Variants in SHOC1 observed in about 807,000 individuals in gnomAD.
SHOC1 encodes the protein shortage in chiasmata 1.
SHOC1 carries 136 observed loss-of-function variants against 179.2 expected under a neutral mutation model. The ratio of observed to expected loss-of-function variants is 0.76; its 90% CI spans 0.66 to 0.87. The LOEUF is 0.87. SHOC1 is among the 40% of genes least tolerant of loss of function. The probability of loss-of-function intolerance (pLI) is 0.00; values close to 1 mark genes in which losing one functional copy is unlikely to be tolerated. For missense variants in SHOC1, 1,538 were observed against 1,700.8 expected, an observed-to-expected ratio of 0.90 and a Z score of 1.68; for synonymous variants, 489 against 586.6, an observed-to-expected ratio of 0.83 and a Z score of 2.41.
chr9:111,736,747 G>T (rs1006045867), intron 12 of SHOC1, among the ~76,000 whole-genome samples: 10 of 152,014 alleles, frequency 6.6e-5, no homozygotes, highest in African/African-American at 2.4e-4. Context: ...CTTCTGCACA[G>T]CAAAAGAAAC....
At chr9:111,728,592 TA>T (rs996923649) in intron 12 of SHOC1, among the ~76,000 whole-genome samples, 2 of 152,168 alleles carry the variant, frequency 1.3e-5, no homozygotes, top group African/African-American at 4.8e-5. Flanking sequence ...AAAGGCCACA[TA>T]TTGTATGATT....
Position 111,708,233 on chromosome 9 carries a change from C to A in SHOC1, c.2489-309G>T, listed in dbSNP as rs889414909. On this transcript the variant is annotated intron_variant, in intron 18 of 27. Coordinates refer to ENST00000682961, the MANE Select transcript of SHOC1 (RefSeq NM_001378211.1). ...TTTTATTTTTTTTGAGACAGAGTCTCGCTCTGTCGCCCAGGCTGGAGTTCT... is the reference window on the plus strand; with the variant it reads ...TTTTATTTTTTTTGAGACAGAGTCTAGCTCTGTCGCCCAGGCTGGAGTTCT... Among the ~76,000 whole-genome samples the A allele has an allele frequency of 2.0e-5, 3 of 151,020 alleles. No individual in the cohort carries two copies. The East Asian group carries it at 5.8e-4, about 29-fold the overall frequency.
At chr9:111,782,123 A>G (rs1361944034) in intron 3 of SHOC1, among the ~76,000 whole-genome samples, 1 of 152,178 alleles carries the variant, frequency 6.6e-6, no homozygotes, top group Non-Finnish European at 1.5e-5. Flanking sequence ...GAGGCAGGAG[A>G]ATGGCATGAA....
intron 3 of SHOC1, chr9:111,783,643 T>A (rs1836161023): frequency 6.6e-6 from 1 of 152,220 alleles, no homozygotes; most frequent in African/African-American, 2.4e-5. Flanking sequence ...TTCATCTAGT[T>A]TCACAGGTTT....
rs1443719926 is a variant in SHOC1, at chr9:111,714,529, C to G, written c.2331G>C (p.Arg777Ser). Residue 777 changes from arginine to serine, a missense_variant, in exon 17 of 28, where the codon AGG (arginine) becomes AGC (serine). By Grantham distance (110) the Arg-to-Ser change is moderately radical. Transcript: ENST00000682961. ...TGTAGTTGGTTTCAGGCTTTTTCCC[C>G]CTAATAAACTGTACAATCTCCAGCT... ...WRQLEIVQFI[R>S]GKKPETNYKI... is the part of the protein sequence containing the mutation. 4.3e-6 allele frequency: 7 copies of G among 1,613,812 alleles called. No individual in the cohort carries two copies. Among genetic ancestry groups the G allele is most frequent in the Non-Finnish European group, 5.9e-6 (7 of 1,179,952 alleles).
At chr9:111,741,682 G>T in intron 10 of SHOC1, 112 bp from the exon 11 acceptor site, 3 of 480,908 alleles carry the variant, frequency 6.2e-6, no homozygotes, top group East Asian at 4.0e-5. Context: ...CGCCCAGGCT[G>T]GGGTACAGTG....
At chr9:111,714,757 C>A in intron 16 of SHOC1, 134 bp from the exon 17 acceptor site, 1 of 776,568 alleles carries the variant, frequency 1.3e-6, no homozygotes, top group Non-Finnish European at 2.0e-6. Flanking sequence ...TGATTTTGAT[C>A]AAAGACACTA....
At chr9:111,759,237 G>A in intron 5 of SHOC1, 1 of 1,613,704 alleles carries the variant, frequency 6.2e-7, no homozygotes, top group Non-Finnish European at 8.5e-7. Flanking sequence ...GGTCTTCTCT[G>A]CATCATTTTA....
At chr9:111,788,064 C>CTTTTTTTTT in intron 2 of SHOC1, among the ~76,000 whole-genome samples, 1 of 122,738 alleles carries the variant, frequency 8.1e-6, no homozygotes, top group Non-Finnish European at 1.6e-5. Flanking sequence ...ATAAACATAA[C>CTTTTTTTTT]TTTTTTTTTT....
chr9:111,753,716 A>G (rs1016010761), intron 8 of SHOC1, among the ~76,000 whole-genome samples: 1 of 152,152 alleles, frequency 6.6e-6, no homozygotes, highest in Non-Finnish European at 1.5e-5. Context: ...GAACCATATG[A>G]TCATCTCAAT....
chr9:111,749,489 T>A (rs1834463105), intron 8 of SHOC1, among the ~76,000 whole-genome samples: 1 of 152,202 alleles, frequency 6.6e-6, no homozygotes. Flanking sequence ...TTTATTTTTT[T>A]TTTCTCTGTT....
At chr9:111,726,045 T>C (rs867174125) in intron 13 of SHOC1, among the ~76,000 whole-genome samples, 1 of 152,134 alleles carries the variant, frequency 6.6e-6, no homozygotes, top group African/African-American at 2.4e-5. Context: ...TAACAAATCT[T>C]TGAAAAATTC....
At chr9:111,724,274 T>C (rs779090722) in intron 13 of SHOC1, among the ~76,000 whole-genome samples, 6 of 152,170 alleles carry the variant, frequency 3.9e-5, no homozygotes, top group Non-Finnish European at 5.9e-5. Flanking sequence ...CCCTTTCTTC[T>C]ACTACTAACC....
chr9:111,690,610 T>G (rs1831383256), intron 27 of SHOC1, among the ~76,000 whole-genome samples: 1 of 152,216 alleles, frequency 6.6e-6, no homozygotes, highest in African/African-American at 2.4e-5. Flanking sequence ...ACACATTTGA[T>G]TTTTCCCAAT....
intron 8 of SHOC1, among the ~76,000 whole-genome samples, chr9:111,755,299 A>G (rs181540881): frequency 6.6e-6 from 1 of 152,302 alleles, no homozygotes; most frequent in Non-Finnish European, 1.5e-5. Flanking sequence ...GATTTGATCT[A>G]CTTTCCCAGG....
At chr9:111,708,212 A>T (rs12340967) in intron 18 of SHOC1, among the ~76,000 whole-genome samples, 28,300 of 142,832 alleles carry the variant, frequency 0.2, 2,831 homozygotes, top group Non-Finnish European at 0.22. Flanking sequence ...TTTATTTTTT[A>T]TTTTTTTTGA....
At chr9:111,769,975 G>GTTTTTTTTTTTCTT in intron 5 of SHOC1, among the ~76,000 whole-genome samples, 1 of 87,806 alleles carries the variant, frequency 1.1e-5, no homozygotes, top group Non-Finnish European at 2.2e-5. Flanking sequence ...TTTATCTTCT[G>GTTTTTTTTTTTCTT]TTTTTTTTTT....
At chr9:111,695,050 T>C (rs980843353) in intron 24 of SHOC1, among the ~76,000 whole-genome samples, 21 of 151,506 alleles carry the variant, frequency 1.4e-4, no homozygotes, top group Admixed American at 1.3e-3. Flanking sequence ...CTGTTTCCTG[T>C]CTGACACTGT....
chr9:111,714,648 A>T, intron 16 of SHOC1, 25 bp from the exon 17 acceptor site: 1 of 1,584,456 alleles, frequency 6.3e-7, no homozygotes, highest in Non-Finnish European at 8.6e-7. Context: ...TTAGAAAAAA[A>T]TTGTCTAAGT....
Sources: gnomAD v4.1 joint callset for allele counts (sites outside exome capture counted in the v4.1 genomes callset) on GRCh38, gnomAD v4.1.1 for gene constraint, MANE v1.5 for transcripts, NCBI Gene and HGNC (gene_info 2026-07-23, HGNC 2026-07-21) for gene names.